The following NUFIP2 variants were observed in gnomAD, a reference collection of about 807,000 sequenced individuals.
NUFIP2 encodes the protein nuclear FMR1 interacting protein 2.
Under a neutral mutation model 56.9 loss-of-function variants are expected in NUFIP2, and 6 were observed. That is an observed-to-expected ratio of 0.11 (90% CI 0.06 to 0.21). The LOEUF is 0.21. NUFIP2 is among the 10% of genes least tolerant of loss of function. NUFIP2 has a pLI of 1.00. For synonymous variants in NUFIP2, 321 were observed against 298.2 expected (o/e 1.08, Z -0.79); for missense variants, 828 against 826.8 (o/e 1.00, Z -0.02).
chr17:29,289,858 G>C (rs182865130), intron 1 of NUFIP2, among the ~76,000 whole-genome samples: 1 of 152,046 alleles, frequency 6.6e-6, no homozygotes, highest in African/African-American at 2.4e-5. Context: ...CATACTCAAG[G>C]CATAATCATT....
chr17:29,268,640 C>T (rs749047900), intron 2 of NUFIP2, among the ~76,000 whole-genome samples: 7 of 152,178 alleles, frequency 4.6e-5, no homozygotes, highest in Admixed American at 1.3e-4. Flanking sequence ...GCCTCAGCCT[C>T]CCGAGTAGCT....
intron 2 of NUFIP2, among the ~76,000 whole-genome samples, chr17:29,268,072 T>A (rs1003295497): frequency 2.6e-5 from 4 of 152,074 alleles, no homozygotes; most frequent in Non-Finnish European, 5.9e-5. Flanking sequence ...CTAATTTTTG[T>A]ATTTTTAGTA....
In NUFIP2 at chr17:29,269,021, C is replaced by T. The variant is rs185245051; in HGVS notation, c.2003-1491G>A. Among the ~76,000 whole-genome samples, 8 of 152,140 alleles carry T rather than the reference C, an allele frequency of 5.3e-5. No individual in the cohort carries two copies. The East Asian group carries it at 1.5e-3, about 29-fold the overall frequency. On this transcript the variant is annotated intron_variant, in intron 2 of 3. Coordinates refer to ENST00000225388, the MANE Select transcript of NUFIP2 (RefSeq NM_020772.3). ...ACAGAGAATGCAGTTAAAAACTCTA[C>T]CTGTGATACATGAAAGCTTCAGGGG...
chr17:29,285,177 G>A (rs945619150), intron 2 of NUFIP2, among the ~76,000 whole-genome samples: 1 of 152,136 alleles, frequency 6.6e-6, no homozygotes, highest in African/African-American at 2.4e-5. Flanking sequence ...GCGCATGGCT[G>A]TAATCCCAGC....
At position 29,287,683 on chromosome 17, in the gene NUFIP2, C is replaced by T; in HGVS notation, c.311G>A (p.Arg104Lys). 6.2e-7 allele frequency: 1 copy of T among 1,611,744 alleles called. No homozygotes were observed. Among genetic ancestry groups the T allele is most frequent in the East Asian group, 2.2e-5 (1 of 44,844 alleles). ...ACTCAGGTTCTTTAAAGATATTTCT[C>T]TTTCTCCAGCATTACCGTTTAGTTC... is the stretch of plus-strand genomic sequence containing the variant. ...YGELNGNAGE[R>K]EISLKNLSSD... Residue 104 changes from arginine (R) to lysine (K), a missense_variant, in exon 2 of 4, where the codon AGA (arginine) becomes AAA (lysine). Physicochemically the swap from Arg to Lys is conservative, Grantham distance 26. This residue lies in a region of NUFIP2 where 415 missense variants were observed against 408.7 expected (regional missense o/e 1.02). Transcript: ENST00000225388.
Position 29,261,041 on chromosome 17 carries a change from G to A in NUFIP2, c.*3498C>T, listed in dbSNP as rs146790287. The A allele has an allele frequency of 3.6e-3, 542 of 152,268 alleles. 1 individual carries two copies. Among genetic ancestry groups the A allele is most frequent in the African/African-American group, 0.012 (518 of 41,568 alleles). The allele number at this position is 152,268 out of a possible 1,614,324, so 9.4% of individuals were successfully genotyped here. On this transcript the variant is annotated 3_prime_UTR_variant, in exon 4 of 4. Transcript: ENST00000225388. Reference sequence around the variant, plus strand: ...ATGTAATTAACTTCAGTTCAGCAAAGTGGGGGTGAATAAAGAGAAAGATAA... The same window carrying A: ...ATGTAATTAACTTCAGTTCAGCAAAATGGGGGTGAATAAAGAGAAAGATAA...
intron 2 of NUFIP2, among the ~76,000 whole-genome samples, chr17:29,281,689 T>TAAA (rs58675184): frequency 9.3e-4 from 103 of 110,490 alleles, no homozygotes; most frequent in African/African-American, 3.4e-3. Flanking sequence ...CCTGTCTCTT[T>TAAA]AAAAAAAAAA....
rs1192065984 is a variant in NUFIP2, at chr17:29,264,253, A to T, written c.*286T>A. 6.4e-6 allele frequency: 1 copy of T among 156,552 alleles called. No individual in the cohort carries two copies. The allele number at this position is 156,552 out of a possible 1,614,324, so 9.7% of individuals were successfully genotyped here. ...ATCACTTGCATTCACACTTAAAAAC[A>T]AAAACTAACAGAAGAAAAAAAACCT... On this transcript the variant is annotated 3_prime_UTR_variant, in exon 4 of 4. Transcript: ENST00000225388.
At chr17:29,265,294 T>A (rs532999652) in intron 3 of NUFIP2, among the ~76,000 whole-genome samples, 2 of 128,896 alleles carry the variant, frequency 1.6e-5, no homozygotes, top group African/African-American at 3.0e-5. Context: ...TTTATTTTTT[T>A]ATTTTATTTT....
chr17:29,276,184 A>C (rs1425817726), intron 2 of NUFIP2, among the ~76,000 whole-genome samples: 1 of 152,086 alleles, frequency 6.6e-6, no homozygotes, highest in African/African-American at 2.4e-5. Flanking sequence ...GATTAATTAG[A>C]TAACTAACTT....
At chr17:29,269,065 T>C (rs2069056379) in intron 2 of NUFIP2, among the ~76,000 whole-genome samples, 1 of 152,170 alleles carries the variant, frequency 6.6e-6, no homozygotes, top group Non-Finnish European at 1.5e-5. Context: ...TAGTCAACAG[T>C]AATTGACTAT....
rs756427752 is a variant in NUFIP2, at chr17:29,286,605, AGCT to A, written c.1386_1388del (p.Ala463del). ...AAAGGCTAGTCTTAATTTGTTCAACAGCTGCTGAAGTTAGACTCATGTCCTGGA... is the reference window on the plus strand; with the variant it reads ...AAAGGCTAGTCTTAATTTGTTCAACAGCTGAAGTTAGACTCATGTCCTGGA... On this transcript the variant is annotated inframe_deletion, in exon 2 of 4. Transcript: ENST00000225388. 35 of 1,614,122 alleles carry A rather than the reference AGCT, an allele frequency of 2.2e-5. No individual in the cohort carries two copies. Among genetic ancestry groups the A allele is most frequent in the Non-Finnish European group, 2.7e-5 (32 of 1,180,060 alleles).
chr17:29,287,394 A>G lies in NUFIP2; in HGVS notation c.600T>C (p.Asn200=). Residue 200 remains asparagine (N), a synonymous_variant, in exon 2 of 4, where the codon AAT becomes AAC. Coordinates refer to ENST00000225388, the MANE Select transcript of NUFIP2 (RefSeq NM_020772.3). ...TATCTGCTCCTTTACCCATATAACC[A>G]TTAGTAATATAACCAGAATTATTTG... ...VVTNNSGYIT[N]GYMGKGADND... is the part of the protein sequence containing the mutation. The G allele has an allele frequency of 6.2e-7, 1 of 1,613,964 alleles. No individual in the cohort carries two copies. The highest frequency in any genetic ancestry group is 8.5e-7 in the Non-Finnish European group (1 of 1,179,904).
chr17:29,271,468 C>T (rs1357039776), intron 2 of NUFIP2, among the ~76,000 whole-genome samples: 8 of 151,172 alleles, frequency 5.3e-5, no homozygotes, highest in Admixed American at 6.6e-5. Flanking sequence ...ACCCCGTAGA[C>T]GGAGGTTGCA....
chr17:29,285,622 CA>C (rs2069168468), intron 2 of NUFIP2, among the ~76,000 whole-genome samples: 2 of 151,708 alleles, frequency 1.3e-5, no homozygotes, highest in South Asian at 4.2e-4. Context: ...AACAAAAAAG[CA>C]AAGACAAAAA....
Position 29,287,060 on chromosome 17 carries a change from T to C in NUFIP2, c.934A>G (p.Ser312Gly), listed in dbSNP as rs1207475176. ...TTGGGCCGATCATCAAACTTTTTGCTGCTCACACCAGGTTTACTATCTGAG... is the reference window on the plus strand; with the variant it reads ...TTGGGCCGATCATCAAACTTTTTGCCGCTCACACCAGGTTTACTATCTGAG... ...KSSDSKPGVS[S>G]KKFDDRPKGK... The change falls in exon 2 of 4, where the codon AGC (serine) becomes GGC (glycine). Residue 312 changes from serine to glycine, a missense_variant. Physicochemically the swap from Ser to Gly is moderately conservative, Grantham distance 56. Around this residue, in one of 3 missense-constraint regions of NUFIP2, gnomAD observed 415 missense variants for 408.7 expected, o/e 1.02. Coordinates refer to ENST00000225388, the MANE Select transcript of NUFIP2 (RefSeq NM_020772.3). 1 of 1,614,108 alleles carries C rather than the reference T, an allele frequency of 6.2e-7. No homozygotes were observed. Among genetic ancestry groups the C allele is most frequent in the Non-Finnish European group, 8.5e-7 (1 of 1,180,052 alleles).
At chr17:29,275,718 T>C (rs2069103516) in intron 2 of NUFIP2, among the ~76,000 whole-genome samples, 1 of 152,090 alleles carries the variant, frequency 6.6e-6, no homozygotes, top group Non-Finnish European at 1.5e-5. Flanking sequence ...GGCTAACCAT[T>C]CTTTTCCTTT....
chr17:29,285,440 A>T (rs2069166894), intron 2 of NUFIP2, among the ~76,000 whole-genome samples: 1 of 151,614 alleles, frequency 6.6e-6, no homozygotes. Flanking sequence ...AAAATACAAA[A>T]ATTAGCCGGG....
intron 2 of NUFIP2, among the ~76,000 whole-genome samples, chr17:29,278,674 T>C (rs2069123007): frequency 6.6e-6 from 1 of 152,118 alleles, no homozygotes; most frequent in African/African-American, 2.4e-5. Context: ...CTACTATCAT[T>C]ATAGTAACAG....
Sources: gnomAD v4.1 joint callset for allele counts (sites outside exome capture counted in the v4.1 genomes callset) on GRCh38, gnomAD v4.1.1 for gene constraint, gnomAD v4.1.1 regional missense constraint, MANE v1.5 for transcripts, NCBI Gene and HGNC (gene_info 2026-07-23, HGNC 2026-07-21) for gene names.